The following FBXW11 variants were observed in gnomAD, a reference collection of about 807,000 sequenced individuals.
FBXW11 encodes F-box and WD repeat domain containing 11, also known as F-box/WD repeat-containing protein 11.
Under a neutral mutation model 77.6 loss-of-function variants are expected in FBXW11, and 19 were observed. That is an observed-to-expected ratio of 0.24 (90% CI 0.17 to 0.36). The LOEUF is 0.36. Ranked by LOEUF, FBXW11 falls within the 10% of genes least tolerant of loss-of-function variation. The pLI is 1.00. For synonymous variants in FBXW11, 235 were observed against 249.4 expected, an observed-to-expected ratio of 0.94 and a Z score of 0.54; for missense variants, 334 against 704.2, an observed-to-expected ratio of 0.47 and a Z score of 5.95.
chr5:171,913,089 G>GA (rs928907316), intron 3 of FBXW11, among the ~76,000 whole-genome samples: 3 of 151,652 alleles, frequency 2.0e-5, no homozygotes, highest in African/African-American at 4.8e-5. Flanking sequence ...CTTATCTTAA[G>GA]AAAAAAAACT....
intron 6 of FBXW11, among the ~76,000 whole-genome samples, chr5:171,897,775 G>C (rs1170248450): frequency 6.6e-6 from 1 of 150,676 alleles, no homozygotes. Context: ...AAAAAAAACA[G>C]AGGGTAATGT....
chr5:171,940,617 C>T (rs760883839), intron 2 of FBXW11, among the ~76,000 whole-genome samples: 2 of 152,122 alleles, frequency 1.3e-5, no homozygotes, highest in Non-Finnish European at 2.9e-5. Context: ...AGGCTGGGTG[C>T]GGTGGCTCAT....
chr5:171,958,547 C>T lies in FBXW11; in HGVS notation c.46-849G>A, dbSNP rs527756894. On this transcript the variant is annotated intron_variant, in intron 1 of 13. Coordinates refer to ENST00000517395, the MANE Select transcript of FBXW11 (RefSeq NM_001378974.1). ...CATTTTAGACTTTGTTTACAAAGTC[C>T]GTCTGACATGACTAAGAATTAAAAA... 4.6e-5 allele frequency among the ~76,000 whole-genome samples: 7 copies of T among 152,210 alleles called. No individual in the cohort carries two copies. The South Asian group carries it at 8.3e-4, about 18-fold the overall frequency.
intron 2 of FBXW11, among the ~76,000 whole-genome samples, chr5:171,933,302 T>C (rs755822697): frequency 1.3e-5 from 2 of 152,128 alleles, no homozygotes; most frequent in African/African-American, 2.4e-5. Flanking sequence ...TAGATGACAT[T>C]CTGGGAAAGG....
chr5:171,903,455 T>C (rs1760271028), intron 4 of FBXW11, among the ~76,000 whole-genome samples: 1 of 152,110 alleles, frequency 6.6e-6, no homozygotes, highest in African/African-American at 2.4e-5. Flanking sequence ...GATAATCACG[T>C]GGGGTTCTGC....
intron 2 of FBXW11, among the ~76,000 whole-genome samples, chr5:171,915,242 T>C (rs1178245880): frequency 2.6e-5 from 4 of 152,162 alleles, no homozygotes; most frequent in African/African-American, 9.7e-5. Context: ...CCTAAAATTA[T>C]AAGACTGGGG....
chr5:171,890,334 G>C (rs929920534), intron 7 of FBXW11, among the ~76,000 whole-genome samples: 3 of 151,958 alleles, frequency 2.0e-5, no homozygotes, highest in Non-Finnish European at 2.9e-5. Flanking sequence ...ACCAGCCTGG[G>C]CAACACGGCA....
intron 6 of FBXW11, among the ~76,000 whole-genome samples, chr5:171,894,431 C>T (rs1016290548): frequency 5.3e-5 from 8 of 152,178 alleles, no homozygotes; most frequent in African/African-American, 1.9e-4. Context: ...ACAAAGTCCT[C>T]GCCTAGGCCT....
chr5:171,979,424 A>T (rs558737099), intron 1 of FBXW11, among the ~76,000 whole-genome samples: 1 of 152,318 alleles, frequency 6.6e-6, no homozygotes, highest in African/African-American at 2.4e-5. Context: ...GTTATAATGG[A>T]AACTTTGTTC....
rs575329092 is a variant in FBXW11 at position 171,865,927 on chromosome 5, T to G, written c.*26-1826A>C. On this transcript the variant is annotated intron_variant, in intron 13 of 13. Coordinates refer to ENST00000517395, the MANE Select transcript of FBXW11 (RefSeq NM_001378974.1). ...AGTGTTTCTTATTATGCATAAATCT[T>G]ATGGTATCACATGGCTATAATTTTT... Among the ~76,000 whole-genome samples, 5 of 152,352 alleles carry G rather than the reference T, an allele frequency of 3.3e-5. No individual in the cohort carries two copies. The East Asian group carries it at 7.7e-4, about 23-fold the overall frequency.
intron 1 of FBXW11, among the ~76,000 whole-genome samples, chr5:171,960,226 G>C (rs1763834310): frequency 6.6e-6 from 1 of 152,112 alleles, no homozygotes; most frequent in South Asian, 2.1e-4. Flanking sequence ...TAATACAAAA[G>C]TAGCCAAGCA....
At chr5:171,898,266 T>A (rs1042352169) in intron 6 of FBXW11, among the ~76,000 whole-genome samples, 68 of 152,160 alleles carry the variant, frequency 4.5e-4, no homozygotes, top group African/African-American at 1.6e-3. Flanking sequence ...ACTTTATGGG[T>A]GATATTGCAT....
rs201379880 is a variant in FBXW11, at chr5:171,899,956, C to T, written c.581G>A (p.Arg194His). The change falls in exon 5 of 14, where the codon CGC becomes CAC. Residue 194 changes from arginine (R) to histidine (H), a missense_variant. Coordinates refer to ENST00000517395, the MANE Select transcript of FBXW11 (RefSeq NM_001378974.1). ...AAGTCCTTTCCATAGGGGATCAGTG[C>T]GTACCATTCGTTCAATCAGCTTCTT... ...LWKKLIERMV[R>H]TDPLWKGLSE... 4.3e-6 allele frequency: 7 copies of T among 1,613,692 alleles called. No individual in the cohort carries two copies. Among genetic ancestry groups the T allele is most frequent in the Admixed American group, 3.3e-5 (2 of 60,006 alleles).
intron 3 of FBXW11, among the ~76,000 whole-genome samples, chr5:171,913,186 A>G (rs991352574): frequency 3.3e-5 from 5 of 152,232 alleles, no homozygotes; most frequent in Non-Finnish European, 5.9e-5. Flanking sequence ...AAATATAATG[A>G]TAACAACTTG....
chr5:172,004,275 G>A (rs1268897999), intron 1 of FBXW11, among the ~76,000 whole-genome samples: 2 of 152,146 alleles, frequency 1.3e-5, no homozygotes, highest in South Asian at 4.1e-4. Context: ...AGTCTTAACT[G>A]ATATCCCTTT....
intron 7 of FBXW11, among the ~76,000 whole-genome samples, chr5:171,887,856 AC>A (rs1759024609): frequency 6.6e-6 from 1 of 151,796 alleles, no homozygotes; most frequent in South Asian, 2.1e-4. Context: ...ACAGGGTTTC[AC>A]CATGTTGGCC....
At chr5:171,914,192 G>T in intron 3 of FBXW11, 151 bp downstream of exon 3, 1 of 641,390 alleles carries the variant, frequency 1.6e-6, no homozygotes, top group Non-Finnish European at 2.7e-6. Flanking sequence ...CCTATGGAAT[G>T]AAGATAAATT....
chr5:171,933,809 C>G (rs2113102204), intron 2 of FBXW11, among the ~76,000 whole-genome samples: 1 of 152,138 alleles, frequency 6.6e-6, no homozygotes, highest in Middle Eastern at 3.4e-3. Context: ...ACTGCCAGGT[C>G]TGTCTCAAAA....
At chr5:171,905,392 A>G (rs897407045) in intron 4 of FBXW11, among the ~76,000 whole-genome samples, 1 of 152,202 alleles carries the variant, frequency 6.6e-6, no homozygotes, top group Non-Finnish European at 1.5e-5. Flanking sequence ...GGAACCTCCC[A>G]GTCTTGCTGC....
Sources: gnomAD v4.1 joint callset for allele counts (sites outside exome capture counted in the v4.1 genomes callset) on GRCh38, gnomAD v4.1.1 for gene constraint, MANE v1.5 for transcripts, NCBI Gene and HGNC (gene_info 2026-07-23, HGNC 2026-07-21) for gene names.